The following LIN54 variants were observed in gnomAD, a reference collection of about 807,000 sequenced individuals.
LIN54 encodes the protein lin-54 DREAM MuvB core complex component.
A neutral mutation model predicts 78.7 loss-of-function variants in LIN54; 9 were observed. The observed-to-expected ratio is 0.11, with a 90% CI of 0.07 to 0.20. LIN54 has a LOEUF of 0.20. Among genes scored for constraint, LIN54 ranks in the 10% least tolerant of loss-of-function variants. The pLI, the probability that LIN54 is intolerant of heterozygous loss-of-function variation, is 1.00. For synonymous variants in LIN54, 269 were observed against 318.4 expected, an observed-to-expected ratio of 0.84 and a Z score of 1.65; for missense variants, 573 against 889.9, an observed-to-expected ratio of 0.64 and a Z score of 4.53.
At chr4:82,982,643 A>T (rs950242213) in intron 2 of LIN54, among the ~76,000 whole-genome samples, 1 of 152,226 alleles carries the variant, frequency 6.6e-6, no homozygotes, top group African/African-American at 2.4e-5. Context: ...TGGTGATAAG[A>T]TATCTCATCC....
chr4:82,995,680 A>G (rs1728154869), intron 1 of LIN54, among the ~76,000 whole-genome samples: 1 of 151,070 alleles, frequency 6.6e-6, no homozygotes, highest in Admixed American at 6.6e-5. Context: ...TATTTTTAGT[A>G]AAGGCAGGGT....
rs3081913 is a variant in LIN54, at chr4:82,941,149, G to GATATATATATATATAT, written c.1169-1203_1169-1188dup. 4.1e-3 allele frequency among the ~76,000 whole-genome samples: 536 copies of GATATATATATATATAT among 131,078 alleles called. 8 individuals carry two copies. The highest frequency in any genetic ancestry group is 0.013 in the East Asian group (54 of 4,044). 86.0% of individuals were successfully genotyped at this position (131,078 alleles called of 152,430 possible). A position where few individuals can be genotyped will look rare whatever the true frequency, so the allele number is the denominator to read the frequency against. On this transcript the variant is annotated intron_variant, in intron 5 of 12. Coordinates refer to ENST00000340417, the MANE Select transcript of LIN54 (RefSeq NM_194282.4). The stretch of plus-strand genomic sequence containing the variant: ...CATGAAGAGCTGTGGGAGTTAAGAG[G>GATATATATATATATAT]ATATATATATATATATATATATATA...
chr4:82,986,558 G>A (rs1485047970), intron 1 of LIN54, among the ~76,000 whole-genome samples: 1 of 151,758 alleles, frequency 6.6e-6, no homozygotes, highest in Non-Finnish European at 1.5e-5. Flanking sequence ...ACAAAAATTA[G>A]CTGGGCATGG....
In LIN54 at chr4:82,927,457, C is replaced by T. The variant is rs2126023256; in HGVS notation, c.*645G>A. The T allele has an allele frequency of 6.6e-6, 1 of 152,274 alleles. No homozygotes were observed. The highest frequency in any genetic ancestry group is 3.4e-3 in the Middle Eastern group (1 of 294). The allele number at this position is 152,274 out of a possible 1,614,324, so 9.4% of individuals were successfully genotyped here. On this transcript the variant is annotated 3_prime_UTR_variant, in exon 13 of 13. Coordinates refer to ENST00000340417, the MANE Select transcript of LIN54 (RefSeq NM_194282.4). ...TTCCTTATTATAGAAACACATTGCC[C>T]ATCCTCTGAGATTTACTGTCCTTTA...
chr4:82,952,051 A>C (rs1005440285), intron 4 of LIN54, among the ~76,000 whole-genome samples: 3 of 152,208 alleles, frequency 2.0e-5, no homozygotes, highest in Non-Finnish European at 4.4e-5. Flanking sequence ...GCAAAGCTTC[A>C]CAACACTGGG....
At chr4:82,998,220 G>C (rs2126103902) in intron 1 of LIN54, among the ~76,000 whole-genome samples, 1 of 151,668 alleles carries the variant, frequency 6.6e-6, no homozygotes, top group Middle Eastern at 3.4e-3. Flanking sequence ...CCACATTACA[G>C]ATGAGCAAGT....
chr4:83,012,265 C>T (rs532714407), upstream of LIN54, among the ~76,000 whole-genome samples: 36 of 152,194 alleles, frequency 2.4e-4, no homozygotes, highest in East Asian at 6.0e-3. Flanking sequence ...CCGTGCACCT[C>T]GGGAACATTA....
rs115815831 is a variant in LIN54 at position 83,007,613 on chromosome 4, C to T, written c.-33+2871G>A. 7.2e-3 allele frequency among the ~76,000 whole-genome samples: 1,097 copies of T among 152,242 alleles called. 6 individuals are homozygous for T. Among genetic ancestry groups the T allele is most frequent in the Middle Eastern group, 0.017 (5 of 294 alleles). On this transcript the variant is annotated intron_variant, in intron 1 of 12. Transcript: ENST00000340417. ...TCCGATAGTCTACTAAATGGCCAGG[C>T]GTGGTGGCTAACGCCTGTAACCTCA...
At chr4:82,979,098 T>C (rs954552833) in intron 2 of LIN54, 92 bp from the exon 3 acceptor site, 1 of 950,712 alleles carries the variant, frequency 1.1e-6, no homozygotes, top group Non-Finnish European at 1.6e-6. Context: ...AAGTAGCACA[T>C]GTAAAACCAG....
chr4:82,998,024 TA>T (rs1371212169), intron 1 of LIN54, among the ~76,000 whole-genome samples: 3 of 84,176 alleles, frequency 3.6e-5, no homozygotes, highest in Non-Finnish European at 6.4e-5. Context: ...ATATATATAA[TA>T]ATATATATAT....
intron 1 of LIN54, among the ~76,000 whole-genome samples, chr4:82,992,483 G>A (rs146285361): frequency 3.4e-4 from 51 of 152,030 alleles, no homozygotes; most frequent in African/African-American, 1.1e-3. Context: ...GAGACCAGTC[G>A]GGACAACATA....
At chr4:82,939,006 A>G (rs1722621349) in intron 7 of LIN54, among the ~76,000 whole-genome samples, 6 of 152,230 alleles carry the variant, frequency 3.9e-5, no homozygotes, top group Admixed American at 3.3e-4. Context: ...ATAGCCACAT[A>G]ACATGTTCCA....
chr4:83,006,506 T>C (rs192966890), intron 1 of LIN54, among the ~76,000 whole-genome samples: 17 of 150,168 alleles, frequency 1.1e-4, no homozygotes, highest in African/African-American at 4.2e-4. Context: ...GCTCGGTGCC[T>C]GGGTGACAGG....
chr4:82,928,124 T>C lies in LIN54; in HGVS notation c.2228A>G (p.Asp743Gly). 6.2e-7 allele frequency: 1 copy of C among 1,614,190 alleles called. No homozygotes were observed. The highest frequency in any genetic ancestry group is 8.5e-7 in the Non-Finnish European group (1 of 1,180,014). Residue 743 changes from aspartate (D) to glycine (G), a missense_variant, in exon 13 of 13, where the codon GAC (aspartate) becomes GGC (glycine). Transcript: ENST00000340417. ...VINSAGKAKS[D>G]PCAMNC ...GAGTTAGCAATTCATGGCACAAGGG[T>C]CACTTTTTGCCTTTCCTGCAGAGTT...
At chr4:82,975,461 A>C (rs1259306904) in intron 3 of LIN54, among the ~76,000 whole-genome samples, 2 of 152,128 alleles carry the variant, frequency 1.3e-5, no homozygotes, top group East Asian at 3.8e-4. Flanking sequence ...CTGTAATCCT[A>C]GCACTTTGGG....
In LIN54 at chr4:82,980,624, CATACTCAAATAAATCTATAATT is replaced by C. The variant is rs1389187288; in HGVS notation, c.685-1640_685-1619del. ...AAACGGCCGACTTGCAAAACTATAACATACTCAAATAAATCTATAATTATACTCTAGAAAGCTAATGAAATTT... is the reference window on the plus strand; with the variant it reads ...AAACGGCCGACTTGCAAAACTATAACATACTCTAGAAAGCTAATGAAATTT... On this transcript the variant is annotated intron_variant, in intron 2 of 12. Transcript: ENST00000340417. Among the ~76,000 whole-genome samples, 6 of 151,924 alleles carry C rather than the reference CATACTCAAATAAATCTATAATT, an allele frequency of 3.9e-5. No individual in the cohort carries two copies. In the East Asian group the frequency reaches 1.2e-3, roughly 29 times the overall value.
intron 3 of LIN54, among the ~76,000 whole-genome samples, chr4:82,972,160 T>C (rs902357982): frequency 6.6e-6 from 1 of 151,842 alleles, no homozygotes; most frequent in Admixed American, 6.6e-5. Flanking sequence ...GCTCAAATGA[T>C]CCTCCCATCT....
At chr4:82,939,250 T>C (rs1349540593) in intron 7 of LIN54, among the ~76,000 whole-genome samples, 1 of 152,248 alleles carries the variant, frequency 6.6e-6, no homozygotes, top group Non-Finnish European at 1.5e-5. Context: ...TGGACTCTGC[T>C]GATTTTAACT....
chr4:82,954,907 G>A (rs2126054449), intron 4 of LIN54, among the ~76,000 whole-genome samples: 2 of 152,160 alleles, frequency 1.3e-5, no homozygotes, highest in South Asian at 4.2e-4. Context: ...ACTCCTAGAA[G>A]ATAACATTTG....
Sources: gnomAD v4.1 joint callset for allele counts (sites outside exome capture counted in the v4.1 genomes callset) on GRCh38, gnomAD v4.1.1 for gene constraint, MANE v1.5 for transcripts, NCBI Gene and HGNC (gene_info 2026-07-23, HGNC 2026-07-21) for gene names.